Variants in RIGI observed in about 807,000 individuals in gnomAD.
The protein encoded by RIGI is antiviral innate immune response receptor RIG-I.
At chr9:32,476,108 A>C in the RIGI span, among the ~76,000 whole-genome samples, 1 of 152,254 alleles carries the variant, frequency 6.6e-6, no homozygotes, top group Non-Finnish European at 1.5e-5. Context: ...TGAAAATTAA[A>C]ACTCTAATGA....
At chr9:32,484,566 G>A in the RIGI span, among the ~76,000 whole-genome samples, 7 of 152,146 alleles carry the variant, frequency 4.6e-5, no homozygotes, top group African/African-American at 9.6e-5. Flanking sequence ...ACCCAAATCC[G>A]TTTAGCCATT....
the RIGI span, among the ~76,000 whole-genome samples, chr9:32,515,641 C>T: frequency 6.6e-6 from 1 of 152,176 alleles, no homozygotes; most frequent in African/African-American, 2.4e-5. Context: ...TTTATCTTCT[C>T]CACTTCCTTG....
At chr9:32,505,547 T>C in the RIGI span, among the ~76,000 whole-genome samples, 1 of 152,202 alleles carries the variant, frequency 6.6e-6, no homozygotes, top group African/African-American at 2.4e-5. Flanking sequence ...ATAGTTTTCT[T>C]CATATCATTT....
chr9:32,485,835 G>C, the RIGI span, among the ~76,000 whole-genome samples: 1 of 151,686 alleles, frequency 6.6e-6, no homozygotes, highest in South Asian at 2.1e-4. Context: ...CACCGCACCC[G>C]GCCTAACCAG....
chr9:32,493,976 G>A, the RIGI span: 1 of 1,438,954 alleles, frequency 6.9e-7, no homozygotes, highest in African/African-American at 1.4e-5. Flanking sequence ...GGACTTTTAT[G>A]AAACCAACTG....
chr9:32,485,442 T>C, the RIGI span: 7 of 642,576 alleles, frequency 1.1e-5, no homozygotes, highest in East Asian at 1.9e-4. Flanking sequence ...GTCCAGATGA[T>C]ACAACAAATG....
the RIGI span, among the ~76,000 whole-genome samples, chr9:32,507,349 T>A: frequency 1.3e-5 from 2 of 152,340 alleles, no homozygotes; most frequent in African/African-American, 4.8e-5. Context: ...ATTTGCTATA[T>A]GATACAAAAT....
At chr9:32,497,253 C>G in the RIGI span, among the ~76,000 whole-genome samples, 29 of 152,024 alleles carry the variant, frequency 1.9e-4, no homozygotes, top group Non-Finnish European at 1.5e-4. Context: ...AGTCTTTTAT[C>G]TCCTTGGTTA....
chr9:32,470,200 G>A, the RIGI span, among the ~76,000 whole-genome samples: 1 of 152,172 alleles, frequency 6.6e-6, no homozygotes, highest in Admixed American at 6.5e-5. Context: ...GATGAGCATT[G>A]TGGACCATTA....
chr9:32,505,896 T>A, the RIGI span, among the ~76,000 whole-genome samples: 1 of 152,196 alleles, frequency 6.6e-6, no homozygotes, highest in African/African-American at 2.4e-5. Flanking sequence ...CTCAGAAGTA[T>A]AATTCCTCAG....
chr9:32,525,678 T>C, the RIGI span, among the ~76,000 whole-genome samples: 2 of 152,236 alleles, frequency 1.3e-5, no homozygotes, highest in Non-Finnish European at 1.5e-5. Flanking sequence ...CTGCCCTTTG[T>C]GTCCCATCCC....
chr9:32,492,395 C>T, the RIGI span: 2 of 1,614,126 alleles, frequency 1.2e-6, no homozygotes, highest in Non-Finnish European at 1.7e-6. Flanking sequence ...TCTTACCTTT[C>T]TCTACAATCC....
chr9:32,473,749 T>C, the RIGI span, among the ~76,000 whole-genome samples: 234 of 152,286 alleles, frequency 1.5e-3, 1 homozygote, highest in Non-Finnish European at 2.7e-3. Flanking sequence ...TTTTAAGTAC[T>C]GGACACAGTG....
the RIGI span, among the ~76,000 whole-genome samples, chr9:32,509,776 A>T: frequency 6.6e-5 from 10 of 152,202 alleles, no homozygotes; most frequent in Middle Eastern, 6.8e-3. Flanking sequence ...AAGGTGGGTA[A>T]TAAGAAACTC....
the RIGI span, among the ~76,000 whole-genome samples, chr9:32,508,258 T>TTTTTTTTTTTTTA: frequency 5.3e-3 from 725 of 137,916 alleles, 38 homozygotes; most frequent in East Asian, 0.053. Context: ...TTTTTTTTTT[T>TTTTTTTTTTTTTA]ACTATATGAA....
At chr9:32,499,311 G>GTTTTTTTTTTTTTTTTTT in the RIGI span, among the ~76,000 whole-genome samples, 8 of 81,136 alleles carry the variant, frequency 9.9e-5, no homozygotes, top group South Asian at 4.0e-4. Flanking sequence ...CAGAGTTTGT[G>GTTTTTTTTTTTTTTTTTT]ATTTGTTTTT....
At chr9:32,483,620 C>A in the RIGI span, among the ~76,000 whole-genome samples, 3 of 152,090 alleles carry the variant, frequency 2.0e-5, no homozygotes, top group South Asian at 6.2e-4. Flanking sequence ...CTAACCCATA[C>A]TCTACCCAGT....
At chr9:32,483,504 C>T in the RIGI span, among the ~76,000 whole-genome samples, 3 of 152,250 alleles carry the variant, frequency 2.0e-5, no homozygotes, top group East Asian at 1.9e-4. Flanking sequence ...ACTCCATCAC[C>T]GTCTCTCCAT....
At chr9:32,511,118 T>C in the RIGI span, among the ~76,000 whole-genome samples, 3 of 152,286 alleles carry the variant, frequency 2.0e-5, no homozygotes, top group South Asian at 6.2e-4. Context: ...CAAAGAGACT[T>C]AGACTCCCAC....
Sources: allele counts gnomAD v4.1 joint callset (sites outside exome capture counted in the v4.1 genomes callset), GRCh38; gene constraint gnomAD v4.1.1; transcripts MANE v1.5; gene names NCBI Gene and HGNC (gene_info 2026-07-23, HGNC 2026-07-21).